Variants in KDM2B observed in about 807,000 individuals in gnomAD.
KDM2B encodes the protein lysine demethylase 2B.
Under a neutral mutation model 150.0 loss-of-function variants are expected in KDM2B, and 26 were observed. That is an observed-to-expected ratio of 0.17 (90% CI 0.13 to 0.24). The LOEUF (loss-of-function observed/expected upper bound fraction) is 0.24. Among genes scored for constraint, KDM2B ranks in the 10% least tolerant of loss-of-function variants. The probability of loss-of-function intolerance (pLI) is 1.00; values close to 1 mark genes in which losing one functional copy is unlikely to be tolerated. For synonymous variants in KDM2B, 734 were observed against 729.5 expected, an observed-to-expected ratio of 1.01 and a Z score of -0.10; for missense variants, 1,265 against 1,816.9, an observed-to-expected ratio of 0.70 and a Z score of 5.52.
chr12:121,481,767 G>GTTTC (rs1882177635), intron 12 of KDM2B, among the ~76,000 whole-genome samples: 2 of 143,742 alleles, frequency 1.4e-5, no homozygotes, highest in African/African-American at 2.8e-5. Flanking sequence ...GGTTTTTTTT[G>GTTTC]TTTGTTTGTT....
At chr12:121,419,335 C>G in the KDM2B span, among the ~76,000 whole-genome samples, 1 of 152,154 alleles carries the variant, frequency 6.6e-6, no homozygotes, top group African/African-American at 2.4e-5. Flanking sequence ...CTGTGATGTT[C>G]GCACAATGAC....
intron 22 of KDM2B, among the ~76,000 whole-genome samples, chr12:121,431,285 C>A (rs946979381): frequency 6.8e-6 from 1 of 147,338 alleles, no homozygotes; most frequent in African/African-American, 2.5e-5. Context: ...GCGTGTGCCA[C>A]CATGTGCAAC....
intron 11 of KDM2B, among the ~76,000 whole-genome samples, chr12:121,499,565 T>C (rs1325879383): frequency 1.3e-5 from 2 of 151,910 alleles, no homozygotes; most frequent in Non-Finnish European, 2.9e-5. Flanking sequence ...GGTGGGAGGA[T>C]TGCTTGAGCC....
At chr12:121,562,658 G>A (rs531961727) in intron 4 of KDM2B, among the ~76,000 whole-genome samples, 3 of 151,070 alleles carry the variant, frequency 2.0e-5, no homozygotes. Context: ...GGAGGAGGAG[G>A]AGGAGGAAGG....
chr12:121,432,498 C>T (rs1873224405), intron 22 of KDM2B, among the ~76,000 whole-genome samples: 2 of 152,230 alleles, frequency 1.3e-5, no homozygotes, highest in South Asian at 4.1e-4. Flanking sequence ...ACCCAGCCTC[C>T]CAGACCACTG....
At position 121,458,136 on chromosome 12, in the gene KDM2B, A is replaced by T. The variant is rs556170768; in HGVS notation, c.1735-4792T>A. 1.8e-4 allele frequency among the ~76,000 whole-genome samples: 27 copies of T among 152,272 alleles called. No homozygotes were observed. In the South Asian group the frequency reaches 5.0e-3, roughly 28 times the overall value. On this transcript the variant is annotated intron_variant, in intron 12 of 22. Transcript: ENST00000377071. ...AGTGGCTCACCCCTATAATCTCAGCACTTTGGGAGGCCAAGATAGGCAGAT... is the reference window on the plus strand; with the variant it reads ...AGTGGCTCACCCCTATAATCTCAGCTCTTTGGGAGGCCAAGATAGGCAGAT...
chr12:121,410,567 G>A, the KDM2B span, among the ~76,000 whole-genome samples: 1 of 151,252 alleles, frequency 6.6e-6, no homozygotes, highest in Admixed American at 6.6e-5. Context: ...AATGCTGGAT[G>A]GGAAAAAAAA....
intron 13 of KDM2B, among the ~76,000 whole-genome samples, chr12:121,450,823 T>G (rs112331185): frequency 0.032 from 4,771 of 150,644 alleles, 240 homozygotes; most frequent in African/African-American, 0.11. Flanking sequence ...ATCGTGCCAC[T>G]GCACTCCAGC....
chr12:121,419,987 A>G, the KDM2B span: 1 of 371,932 alleles, frequency 2.7e-6, no homozygotes, highest in Non-Finnish European at 5.1e-6. Context: ...TTCCTGAGAG[A>G]GTTAATACTC....
intron 4 of KDM2B, among the ~76,000 whole-genome samples, chr12:121,568,983 A>T (rs1051575032): frequency 6.6e-6 from 1 of 151,920 alleles, no homozygotes; most frequent in African/African-American, 2.4e-5. Flanking sequence ...AACACCTGGT[A>T]GTGCACAAAT....
chr12:121,560,664 C>A (rs528712174), intron 4 of KDM2B, among the ~76,000 whole-genome samples: 1 of 151,688 alleles, frequency 6.6e-6, no homozygotes, highest in Admixed American at 6.6e-5. Flanking sequence ...GAGGAAGAGA[C>A]GGGGGCCGCC....
chr12:121,491,482 A>T (rs1334838934), intron 12 of KDM2B, among the ~76,000 whole-genome samples: 2 of 151,712 alleles, frequency 1.3e-5, no homozygotes, highest in East Asian at 1.9e-4. Context: ...GAAGTTATTT[A>T]CTTCCTTATT....
the KDM2B span, chr12:121,417,567 C>T: frequency 8.1e-6 from 13 of 1,614,012 alleles, no homozygotes; most frequent in African/African-American, 5.3e-5. This position sits in a 1 kb window ranked among gnomAD's most constrained non-coding sequence, Gnocchi z 5.0. Context: ...AGAAAATCTC[C>T]GTAGATGTTC....
At chr12:121,535,105 C>G (rs768926257) in intron 6 of KDM2B, among the ~76,000 whole-genome samples, 2 of 151,910 alleles carry the variant, frequency 1.3e-5, no homozygotes, top group Admixed American at 6.6e-5. Context: ...GGTCCAGCCC[C>G]GAGCCAGCTT....
chr12:121,536,267 T>C (rs138328560), intron 6 of KDM2B: 14 of 172,248 alleles, frequency 8.1e-5, no homozygotes, highest in Non-Finnish European at 1.6e-4. Context: ...CTCCTCCCCA[T>C]AGGCTGGAAG....
At chr12:121,456,563 G>T (rs1338713377) in intron 12 of KDM2B, among the ~76,000 whole-genome samples, 1 of 152,172 alleles carries the variant, frequency 6.6e-6, no homozygotes. Context: ...GTCTAAAGAC[G>T]AGCTTCTCTG....
At chr12:121,552,460 G>A (rs1265074861) in intron 4 of KDM2B, among the ~76,000 whole-genome samples, 1 of 151,966 alleles carries the variant, frequency 6.6e-6, no homozygotes, top group African/African-American at 2.4e-5. Context: ...ATCACCTGAG[G>A]TCAGGAGTTC....
At position 121,533,107 on chromosome 12, in the gene KDM2B, G is replaced by T. The variant is rs1262200569; in HGVS notation, c.778-148C>A. ...GGAGAGATGGCAGATCCATCCCTCTGGACTCTCTGCAAGGCCAGGTCCCTA... is the reference window on the plus strand; with the variant it reads ...GGAGAGATGGCAGATCCATCCCTCTTGACTCTCTGCAAGGCCAGGTCCCTA... On this transcript the variant is annotated intron_variant, in intron 7 of 22. Transcript: ENST00000377071. The surrounding 1 kb of genome is among the most constrained non-coding windows in gnomAD (Gnocchi z 4.1). The T allele has an allele frequency of 3.3e-5, 25 of 753,338 alleles. No individual in the cohort carries two copies. The highest frequency in any genetic ancestry group is 5.1e-5 in the Non-Finnish European group (24 of 468,856). The allele number at this position is 753,338 out of a possible 1,614,324, so 46.7% of individuals were successfully genotyped here. A position where few individuals can be genotyped will look rare whatever the true frequency, so the allele number is the denominator to read the frequency against.
chr12:121,427,875 C>T (rs1872589422), downstream of KDM2B, among the ~76,000 whole-genome samples: 2 of 152,146 alleles, frequency 1.3e-5, no homozygotes, highest in South Asian at 2.1e-4. Context: ...CTACGGGATC[C>T]GTTCACCAGA....
Sources: allele counts gnomAD v4.1 joint callset (sites outside exome capture counted in the v4.1 genomes callset), GRCh38; gene constraint gnomAD v4.1.1; non-coding constraint Gnocchi (gnomAD v3.1); transcripts MANE v1.5; gene names NCBI Gene and HGNC (gene_info 2026-07-23, HGNC 2026-07-21).